The following STK36 variants were observed in gnomAD, a reference collection of about 807,000 sequenced individuals.
STK36 encodes serine/threonine kinase 36.
In STK36, 116 loss-of-function variants were observed where a neutral mutation model predicts 142.2. The observed-to-expected ratio is 0.82, with a 90% confidence interval of 0.70 to 0.95. The LOEUF (loss-of-function observed/expected upper bound fraction) is 0.95, where lower values mean the gene tolerates loss of function less well. Among genes scored for constraint, STK36 ranks in the 40% least tolerant of loss-of-function variants. STK36 has a pLI of 0.00. For synonymous variants in STK36, 619 were observed against 641.7 expected (o/e 0.96, Z 0.53); for missense variants, 1,422 against 1,617.2 (o/e 0.88, Z 2.07).
chr2:218,684,247 G>T lies in STK36; in HGVS notation c.1237-838G>T, dbSNP rs553982487. 1.1e-3 allele frequency among the ~76,000 whole-genome samples: 162 copies of T among 151,324 alleles called. 1 individual carries two copies. Among genetic ancestry groups the T allele is most frequent in the Non-Finnish European group, 2.0e-3 (134 of 67,828 alleles). ...CTGCCTCTGCCTCCCGAGTAGCTGG[G>T]ATTACAGGCATCTGCCACCACACCC... On this transcript the variant is annotated intron_variant, in intron 10 of 26. Transcript: ENST00000295709.
intron 11 of STK36, among the ~76,000 whole-genome samples, chr2:218,686,447 T>G (rs960671699): frequency 2.0e-5 from 3 of 151,930 alleles, no homozygotes; most frequent in African/African-American, 4.8e-5. Flanking sequence ...TTTGTAGAGA[T>G]AGGGTTTTAC....
chr2:218,672,331 C>G, intron 1 of STK36, 116 bp downstream of exon 1: 1 of 366,928 alleles, frequency 2.7e-6, no homozygotes, highest in Non-Finnish European at 5.1e-6. Context: ...GAATCCGTCC[C>G]TTGGCCTGAG....
intron 11 of STK36, among the ~76,000 whole-genome samples, chr2:218,687,015 G>T (rs1043576161): frequency 6.6e-6 from 1 of 152,200 alleles, no homozygotes; most frequent in Non-Finnish European, 1.5e-5. Flanking sequence ...CACTAATGAT[G>T]AATGTTGAAC....
chr2:218,691,801 A>G (rs1399296459), intron 14 of STK36, among the ~76,000 whole-genome samples: 6 of 152,064 alleles, frequency 3.9e-5, no homozygotes, highest in East Asian at 3.9e-4. Flanking sequence ...CAAGTGATCC[A>G]CCTGCCTCGG....
At chr2:218,687,303 T>G (rs1940816933) in intron 11 of STK36, among the ~76,000 whole-genome samples, 1 of 152,246 alleles carries the variant, frequency 6.6e-6, no homozygotes, top group African/African-American at 2.4e-5. Flanking sequence ...GGTTCATACT[T>G]TTGATGTTGT....
rs754166938 is a variant in STK36 at position 218,680,007 on chromosome 2, G to T, written c.1063G>T (p.Ala355Ser). The T allele has an allele frequency of 6.2e-7, 1 of 1,614,212 alleles. No homozygotes were observed. Among genetic ancestry groups the T allele is most frequent in the Non-Finnish European group, 8.5e-7 (1 of 1,180,026 alleles). ...GATPQESSLL[A>S]GILASELKSS... is the part of the protein sequence containing the mutation. The stretch of plus-strand genomic sequence containing the variant: ...CACTCCTCAGGAATCAAGCCTCCTG[G>T]CCGGGATCTTAGCCTCAGAATTGAA... The change falls in exon 9 of 27, where the codon GCC becomes TCC. Residue 355 changes from alanine (A) to serine (S), a missense_variant. Around this residue, in one of 2 missense-constraint regions of STK36, gnomAD observed 460 missense variants for 449.6 expected, o/e 1.02. Transcript: ENST00000295709.
Position 218,673,859 on chromosome 2 carries a change from C to A in STK36, c.226-20C>A. 1 of 1,614,132 alleles carries A rather than the reference C, an allele frequency of 6.2e-7. No individual in the cohort carries two copies. The highest frequency in any genetic ancestry group is 1.1e-5 in the South Asian group (1 of 91,072). On this transcript the variant is annotated intron_variant, in intron 3 of 26. Transcript: ENST00000295709. ...ATGCATGAATCTGGAGCCATCAGTGCCACTGCCTTCTCTCTGTAGGTGGTG... is the reference window on the plus strand; with the variant it reads ...ATGCATGAATCTGGAGCCATCAGTGACACTGCCTTCTCTCTGTAGGTGGTG...
chr2:218,689,707 C>T, intron 12 of STK36, 152 bp from the exon 13 acceptor site: 1 of 637,782 alleles, frequency 1.6e-6, no homozygotes, highest in South Asian at 2.3e-5. Flanking sequence ...TTCTCTGTTA[C>T]CCCTAGAACT....
chr2:218,673,133 C>T (rs1463668103), intron 2 of STK36: 9 of 491,524 alleles, frequency 1.8e-5, no homozygotes, highest in African/African-American at 1.7e-4. Flanking sequence ...TACTTAACTT[C>T]CCTATGTCTC....
Position 218,673,659 on chromosome 2 carries a change from G to A in STK36, c.119G>A (p.Arg40His), listed in dbSNP as rs758324141. The A allele has an allele frequency of 1.4e-5, 22 of 1,613,964 alleles. No homozygotes were observed. In the East Asian group the frequency reaches 1.8e-4, roughly 13 times the overall value. ...CTGAAGTTCATCCCAAAATTGGGGCGCTCAGAGAAGGAGCTGAGGAATTTG... is the reference window on the plus strand; with the variant it reads ...CTGAAGTTCATCCCAAAATTGGGGCACTCAGAGAAGGAGCTGAGGAATTTG... ...VALKFIPKLG[R>H]SEKELRNLQR... The change falls in exon 3 of 27, where the codon CGC becomes CAC. Residue 40 changes from arginine (R) to histidine (H), a missense_variant. Transcript: ENST00000295709.
chr2:218,691,636 A>G (rs990210358), intron 14 of STK36, among the ~76,000 whole-genome samples: 1 of 151,818 alleles, frequency 6.6e-6, no homozygotes, highest in African/African-American at 2.4e-5. Context: ...ACTCACTGCA[A>G]CCTCCACCCT....
intron 10 of STK36, among the ~76,000 whole-genome samples, chr2:218,684,575 C>T (rs993689859): frequency 2.4e-4 from 37 of 151,584 alleles, no homozygotes; most frequent in African/African-American, 9.0e-4. Context: ...CATGTGCCAC[C>T]ACACCCAGCT....
Position 218,694,705 on chromosome 2 carries a change from A to G in STK36, c.2511+70A>G, listed in dbSNP as rs1403675450. The G allele has an allele frequency of 7.5e-7, 1 of 1,326,444 alleles. No homozygotes were observed. The highest frequency in any genetic ancestry group is 1.1e-6 in the Non-Finnish European group (1 of 927,044). The allele number at this position is 1,326,444 out of a possible 1,614,324, so 82.2% of individuals were successfully genotyped here. On this transcript the variant is annotated intron_variant, in intron 21 of 26. Transcript: ENST00000295709. This position sits in a 1 kb window ranked among gnomAD's most constrained non-coding sequence, Gnocchi z 4.4. Reference sequence around the variant, plus strand: ...GACACTAGGACTGCATTCAAGGGGAAAAGACTGAAATGCCAGCAAGCCTGG... The same window carrying G: ...GACACTAGGACTGCATTCAAGGGGAGAAGACTGAAATGCCAGCAAGCCTGG...
At position 218,694,247 on chromosome 2, in the gene STK36, G is replaced by A. The variant is rs1559342573; in HGVS notation, c.2337-17G>A. 4 of 1,608,440 alleles carry A rather than the reference G, an allele frequency of 2.5e-6. No homozygotes were observed. The South Asian group carries it at 3.3e-5, about 13-fold the overall frequency. On this transcript the variant is annotated splice_polypyrimidine_tract_variant and intron_variant, in intron 19 of 26. Coordinates refer to ENST00000295709, the MANE Select transcript of STK36 (RefSeq NM_015690.5). This position sits in a 1 kb window ranked among gnomAD's most constrained non-coding sequence, Gnocchi z 4.4. Reference sequence around the variant, plus strand: ...CTTTAATACTGCTGCATCCCTTGATGTATCTCTTTATTCCAGAATGGAGAA... The same window carrying A: ...CTTTAATACTGCTGCATCCCTTGATATATCTCTTTATTCCAGAATGGAGAA...
At chr2:218,688,373 G>C (rs183994230) in intron 11 of STK36, 3 of 509,712 alleles carry the variant, frequency 5.9e-6, no homozygotes, top group South Asian at 1.5e-5. Context: ...TGCGGTGCAC[G>C]TGTTTTTTGT....
intron 23 of STK36, 84 bp downstream of exon 23, chr2:218,697,297 G>A: frequency 6.5e-7 from 1 of 1,536,604 alleles, no homozygotes; most frequent in Non-Finnish European, 8.7e-7. Flanking sequence ...AACCCACAGA[G>A]GTTTATTTTT....
In STK36 at chr2:218,698,900, G is replaced by T; in HGVS notation, c.3356G>T (p.Gly1119Val). The change falls in exon 26 of 27, where the codon GGC (glycine) becomes GTC (valine). Residue 1119 changes from glycine (G) to valine (V), a missense_variant. By Grantham distance (109) the Gly-to-Val change is moderately radical. This residue lies in a region of STK36 where 962 missense variants were observed against 1,167.5 expected (regional missense o/e 0.82). Coordinates refer to ENST00000295709, the MANE Select transcript of STK36 (RefSeq NM_015690.5). ...TATCGGCCCCTGCGCAGCCTCCTGG[G>T]CCACCCAGAGAATTCTGTGCGGGCA... The part of the protein sequence containing the change: ...ESYRPLRSLL[G>V]HPENSVRAHT... The T allele has an allele frequency of 1.2e-6, 2 of 1,614,146 alleles. No homozygotes were observed. The highest frequency in any genetic ancestry group is 1.7e-6 in the Non-Finnish European group (2 of 1,180,022).
At position 218,697,950 on chromosome 2, in the gene STK36, A is replaced by G; in HGVS notation, c.3006A>G (p.Ile1002Met). The G allele has an allele frequency of 6.2e-7, 1 of 1,614,088 alleles. No homozygotes were observed. Among genetic ancestry groups the G allele is most frequent in the Non-Finnish European group, 8.5e-7 (1 of 1,180,036 alleles). ...TGGACATGGATGCTGACCTCCTTAT[A>G]GGTGTCTTGGCCGACCTCAGGGACT... is the stretch of plus-strand genomic sequence containing the variant. The part of the protein sequence containing the change: ...FALDMDADLL[I>M]GVLADLRDSE... The change falls in exon 25 of 27, where the codon ATA (isoleucine) becomes ATG (methionine). Residue 1002 changes from isoleucine to methionine, a missense_variant. Physicochemically the swap from Ile to Met is conservative, Grantham distance 10 (BLOSUM62 1). Transcript: ENST00000295709.
At position 218,680,691 on chromosome 2, in the gene STK36, C is replaced by T. The variant is rs1259982827; in HGVS notation, c.1225C>T (p.Leu409=). Residue 409 remains leucine (L), a synonymous_variant, in exon 10 of 27, where the codon CTG becomes TTG. Transcript: ENST00000295709. ...LGQRSTDVVD[L]ENEEPDSDNE... is the part of the protein sequence containing the mutation. ...CCAGCGGAGCACTGATGTAGTGGAC[C>T]TGGAAAATGAGGTGAGCCCTAGGGT... 5.6e-6 allele frequency: 9 copies of T among 1,612,158 alleles called. No homozygotes were observed. The highest frequency in any genetic ancestry group is 7.6e-6 in the Non-Finnish European group (9 of 1,179,400).
Sources: allele counts gnomAD v4.1 joint callset (sites outside exome capture counted in the v4.1 genomes callset), GRCh38; gene constraint gnomAD v4.1.1; regional missense constraint gnomAD v4.1.1; non-coding constraint Gnocchi (gnomAD v3.1); transcripts MANE v1.5; gene names NCBI Gene and HGNC (gene_info 2026-07-23, HGNC 2026-07-21).